Variants in TRDN observed in about 807,000 individuals in gnomAD.
TRDN encodes the protein triadin in skeletal muscle.
A neutral mutation model predicts 149.7 loss-of-function variants in TRDN; 161 were observed. The observed-to-expected ratio is 1.08, with a 90% CI of 0.95 to 1.23. TRDN has a LOEUF of 1.23. TRDN is among the 50% of genes most tolerant of loss of function. The probability of loss-of-function intolerance (pLI) is 0.00; values close to 1 mark genes in which losing one functional copy is unlikely to be tolerated. For synonymous variants in TRDN, 294 were observed against 250.5 expected (o/e 1.17, Z -1.64); for missense variants, 896 against 823.5 (o/e 1.09, Z -1.08).
At chr6:123,316,876 C>T (rs112831567) in intron 23 of TRDN, among the ~76,000 whole-genome samples, 2,629 of 151,824 alleles carry the variant, frequency 0.017, 66 homozygotes, top group South Asian at 0.066. Flanking sequence ...ATTTGACCAA[C>T]TTAAGCAATT....
At chr6:123,465,825 A>ATG (rs1410219906) in intron 9 of TRDN, among the ~76,000 whole-genome samples, 2 of 152,232 alleles carry the variant, frequency 1.3e-5, no homozygotes, top group African/African-American at 2.4e-5. Flanking sequence ...CAACATGGGC[A>ATG]TGTGTAACTT....
intron 7 of TRDN, among the ~76,000 whole-genome samples, chr6:123,505,923 G>T (rs957122802): frequency 6.6e-6 from 1 of 151,934 alleles, no homozygotes; most frequent in Non-Finnish European, 1.5e-5. Context: ...CAACATCTTT[G>T]TGGCTTCTGT....
chr6:123,477,675 G>T (rs1272533306), intron 9 of TRDN, among the ~76,000 whole-genome samples: 1 of 152,010 alleles, frequency 6.6e-6, no homozygotes, highest in East Asian at 1.9e-4. Flanking sequence ...GTCCAACAAT[G>T]ATAGACTGGA....
At chr6:123,566,156 G>T (rs1381459836) in intron 2 of TRDN, among the ~76,000 whole-genome samples, 1 of 152,214 alleles carries the variant, frequency 6.6e-6, no homozygotes, top group Admixed American at 6.5e-5. Context: ...AGTAAGAAGT[G>T]TGGTGTAGGT....
chr6:123,355,698 T>TATTA (rs1780642943), intron 20 of TRDN, among the ~76,000 whole-genome samples: 1 of 151,774 alleles, frequency 6.6e-6, no homozygotes, highest in Non-Finnish European at 1.5e-5. Flanking sequence ...TTATGATGAA[T>TATTA]TAATAGATCA....
intron 21 of TRDN, chr6:123,352,156 G>A (rs1306767273): frequency 2.0e-6 from 2 of 983,090 alleles, no homozygotes; most frequent in Non-Finnish European, 2.4e-6. Flanking sequence ...GTTTTTGCAT[G>A]TATAGGATTG....
chr6:123,218,629 G>T lies in TRDN; in HGVS notation c.2162C>A (p.Ser721Tyr). The stretch of plus-strand genomic sequence containing the variant: ...CTGTCCTTGTTGCTTCTGTCCTGGA[G>T]AATTTGCTTGACCAGAGCTCTCTCC... ...RPGESSGQAN[S>Y]PGQKQQGQ Residue 721 changes from serine (S) to tyrosine (Y), a missense_variant, in exon 41 of 41, where the codon TCT (serine) becomes TAT (tyrosine). Transcript: ENST00000334268. 1.2e-6 allele frequency: 2 copies of T among 1,611,750 alleles called. No individual in the cohort carries two copies. Among genetic ancestry groups the T allele is most frequent in the Non-Finnish European group, 1.7e-6 (2 of 1,178,614 alleles).
chr6:123,267,515 T>G (rs539511627), intron 32 of TRDN, among the ~76,000 whole-genome samples, 192 bp downstream of exon 32: 10 of 152,258 alleles, frequency 6.6e-5, no homozygotes, highest in Non-Finnish European at 1.5e-4. Context: ...CATAATTGCA[T>G]GTTTGGCAAT....
At chr6:123,289,420 T>C (rs1777919953) in intron 24 of TRDN, among the ~76,000 whole-genome samples, 1 of 152,126 alleles carries the variant, frequency 6.6e-6, no homozygotes, top group African/African-American at 2.4e-5. Context: ...ATTGTTCTCA[T>C]GGCGATCACA....
At chr6:123,634,471 G>GA (rs1247336862) in intron 1 of TRDN, among the ~76,000 whole-genome samples, 2 of 151,458 alleles carry the variant, frequency 1.3e-5, no homozygotes, top group African/African-American at 4.8e-5. Flanking sequence ...ATAAATGGTT[G>GA]AAAAAAATAT....
intron 12 of TRDN, among the ~76,000 whole-genome samples, chr6:123,435,166 T>C (rs1170424166): frequency 6.6e-6 from 1 of 150,768 alleles, no homozygotes; most frequent in Non-Finnish European, 1.5e-5. Flanking sequence ...ATAAATATAA[T>C]AAAATATCAC....
chr6:123,236,893 TA>T (rs1166809521), intron 38 of TRDN, among the ~76,000 whole-genome samples: 3 of 145,742 alleles, frequency 2.1e-5, no homozygotes, highest in Non-Finnish European at 4.4e-5. Context: ...TTTGTTCTTT[TA>T]AAAAATGTTT....
intron 38 of TRDN, among the ~76,000 whole-genome samples, chr6:123,227,826 C>T (rs1775443218): frequency 6.6e-6 from 1 of 151,920 alleles, no homozygotes; most frequent in African/African-American, 2.4e-5. Flanking sequence ...TGGCTCACTG[C>T]AACCTCCGAG....
At chr6:123,222,181 G>A (rs918474983) in intron 39 of TRDN, among the ~76,000 whole-genome samples, 1 of 151,488 alleles carries the variant, frequency 6.6e-6, no homozygotes, top group African/African-American at 2.4e-5. Context: ...GAAATAATTA[G>A]AAGTTGTGAG....
chr6:123,239,247 A>G (rs560876159), intron 38 of TRDN, among the ~76,000 whole-genome samples: 2 of 152,216 alleles, frequency 1.3e-5, no homozygotes, highest in Non-Finnish European at 1.5e-5. Context: ...TACGTATAAC[A>G]TGAAATAGCA....
At chr6:123,549,973 T>C (rs1175139241) in intron 2 of TRDN, among the ~76,000 whole-genome samples, 1 of 151,888 alleles carries the variant, frequency 6.6e-6, no homozygotes, top group Non-Finnish European at 1.5e-5. Flanking sequence ...AGATTCTTGC[T>C]GGGTGTGGGT....
At chr6:123,557,826 T>C (rs1193302876) in intron 2 of TRDN, among the ~76,000 whole-genome samples, 1 of 148,186 alleles carries the variant, frequency 6.7e-6, no homozygotes, top group African/African-American at 2.5e-5. Flanking sequence ...CTTCTCTCCA[T>C]GTCTCTACCC....
chr6:123,570,835 A>C, intron 2 of TRDN, 88 bp downstream of exon 2: 1 of 1,256,400 alleles, frequency 8.0e-7, no homozygotes, highest in Non-Finnish European at 1.1e-6. Flanking sequence ...ACTAAGATGA[A>C]ACAGAAACCA....
rs1775022679 is a variant in TRDN at position 123,218,474 on chromosome 6, A to T, written c.*127T>A. On this transcript the variant is annotated 3_prime_UTR_variant, in exon 41 of 41. Coordinates refer to ENST00000334268, the MANE Select transcript of TRDN (RefSeq NM_006073.4). ...TTTGGCCACCCTTTCCGTCCACACC[A>T]GGCCAAAGAGCAAAATGTTTTCACA... 8.7e-7 allele frequency: 1 copy of T among 1,152,724 alleles called. No homozygotes were observed. Among genetic ancestry groups the T allele is most frequent in the Non-Finnish European group, 1.2e-6 (1 of 834,576 alleles). The allele number at this position is 1,152,724 out of a possible 1,614,324, so 71.4% of individuals were successfully genotyped here. A position where few individuals can be genotyped will look rare whatever the true frequency, so the allele number is the denominator to read the frequency against.
Sources: gnomAD v4.1 joint callset for allele counts (sites outside exome capture counted in the v4.1 genomes callset) on GRCh38, gnomAD v4.1.1 for gene constraint, MANE v1.5 for transcripts, NCBI Gene and HGNC (gene_info 2026-07-23, HGNC 2026-07-21) for gene names.